Variants in FMO3 observed in about 807,000 individuals in gnomAD.
FMO3 encodes the protein flavin containing dimethylaniline monoxygenase 3.
FMO3 carries 40 observed loss-of-function variants against 39.4 expected under a neutral mutation model. The ratio of observed to expected loss-of-function variants is 1.02; its 90% CI spans 0.79 to 1.32. The LOEUF (loss-of-function observed/expected upper bound fraction) is 1.32, where lower values mean the gene tolerates loss of function less well. Ranked by LOEUF, FMO3 falls within the 40% of genes most tolerant of loss-of-function variation. The pLI is 0.00. For synonymous variants in FMO3, 219 were observed against 228.8 expected, an observed-to-expected ratio of 0.96 and a Z score of 0.39; for missense variants, 680 against 651.8, an observed-to-expected ratio of 1.04 and a Z score of -0.47.
In FMO3 at chr1:171,103,785, G is replaced by C; in HGVS notation, c.133G>C (p.Asp45His). The C allele has an allele frequency of 1.2e-6, 2 of 1,611,854 alleles. No homozygotes were observed. Among genetic ancestry groups the C allele is most frequent in the Non-Finnish European group, 1.7e-6 (2 of 1,178,156 alleles). ...NDIGGLWKFS[D>H]HAEEGRASIY... ...TCCATTTGATACTATACATTCACAG[G>C]ACCATGCAGAGGAGGGCAGGGCTAG... Residue 45 changes from aspartate (D) to histidine (H), a missense_variant and splice_region_variant, in exon 3 of 9, where the codon GAC becomes CAC. Physicochemically the swap from Asp to His is moderately conservative, Grantham distance 81 (BLOSUM62 -1). Coordinates refer to ENST00000367755, the MANE Select transcript of FMO3 (RefSeq NM_001002294.3).
At chr1:171,096,944 C>G (rs1655123100) in intron 2 of FMO3, among the ~76,000 whole-genome samples, 1 of 151,400 alleles carries the variant, frequency 6.6e-6, no homozygotes, top group Non-Finnish European at 1.5e-5. Context: ...TCCCCACTCC[C>G]CCCGCCCCAC....
chr1:171,096,446 ATATT>A (rs1655062294), intron 2 of FMO3, among the ~76,000 whole-genome samples: 1 of 105,456 alleles, frequency 9.5e-6, no homozygotes, highest in South Asian at 3.2e-4. Context: ...CATATTTTAT[ATATT>A]AAATATATAT....
At chr1:171,094,534 G>C (rs1199519793) in intron 2 of FMO3, among the ~76,000 whole-genome samples, 1 of 152,084 alleles carries the variant, frequency 6.6e-6, no homozygotes, top group African/African-American at 2.4e-5. Flanking sequence ...CTAGGTAAAA[G>C]AGTTTTACCT....
At chr1:171,095,517 C>T (rs1654913674) in intron 2 of FMO3, among the ~76,000 whole-genome samples, 1 of 151,362 alleles carries the variant, frequency 6.6e-6, no homozygotes. Flanking sequence ...AGATTAATGA[C>T]CCTTTTAAGC....
chr1:171,109,162 C>T (rs1655784375), intron 5 of FMO3, among the ~76,000 whole-genome samples: 1 of 152,042 alleles, frequency 6.6e-6, no homozygotes, highest in Non-Finnish European at 1.5e-5. Context: ...AAATGAGGAC[C>T]AGAAATGTCA....
rs1655708093 is a variant in FMO3, at chr1:171,107,727, G to A, written c.374G>A (p.Trp125Ter). ...CCTGATTTTGCAACTACTGGCCAGT[G>A]GGATGTTACCACTGAAAGGGATGGT... ...KHPDFATTGQ[W>*]DVTTERDGKK... Residue 125 changes from tryptophan to a stop codon, truncating the protein, a stop_gained, in exon 4 of 9, where the codon TGG becomes TAG. Coordinates refer to ENST00000367755, the MANE Select transcript of FMO3 (RefSeq NM_001002294.3). LOFTEE classifies it high-confidence loss of function. The A allele has an allele frequency of 1.9e-6, 3 of 1,613,208 alleles. No homozygotes were observed. The highest frequency in any genetic ancestry group is 2.5e-6 in the Non-Finnish European group (3 of 1,179,412).
chr1:171,116,175 T>C (rs753549144), intron 7 of FMO3, 33 bp from the exon 8 acceptor site: 13 of 1,313,262 alleles, frequency 9.9e-6, no homozygotes, highest in Non-Finnish European at 1.4e-5. Flanking sequence ...GCCAGACTCA[T>C]TAATTACCAT....
intron 5 of FMO3, among the ~76,000 whole-genome samples, chr1:171,110,405 A>G (rs375908614): frequency 5.3e-4 from 81 of 152,306 alleles, no homozygotes; most frequent in African/African-American, 1.9e-3. Context: ...AGGGTGGCTG[A>G]CCCTAAGATG....
At chr1:171,109,875 A>G (rs1393740383) in intron 5 of FMO3, among the ~76,000 whole-genome samples, 1 of 152,080 alleles carries the variant, frequency 6.6e-6, no homozygotes, top group Admixed American at 6.6e-5. Context: ...TTCCTCTTAT[A>G]ACAAATGCCT....
At chr1:171,101,189 C>T (rs906610738) in intron 2 of FMO3, 4 of 456,098 alleles carry the variant, frequency 8.8e-6, no homozygotes, top group Non-Finnish European at 1.8e-5. Context: ...TCTCCTGGAG[C>T]CTCTGAAAAT....
chr1:171,114,241 AG>A lies in FMO3; in HGVS notation c.1064del (p.Gly355GlufsTer12). ...SRNNEIILFK[G>X]VFPPLLEKST... ...GAAACAATGAGATCATTTTATTTAAAGGAGTATTTCCTCCTCTACTTGAGAA... is the reference window on the plus strand; with the variant it reads ...GAAACAATGAGATCATTTTATTTAAAGAGTATTTCCTCCTCTACTTGAGAA... On this transcript the variant is annotated frameshift_variant, in exon 7 of 9. Coordinates refer to ENST00000367755, the MANE Select transcript of FMO3 (RefSeq NM_001002294.3). LOFTEE classifies it high-confidence loss of function. 1 of 1,613,970 alleles carries A rather than the reference AG, an allele frequency of 6.2e-7. No homozygotes were observed. The highest frequency in any genetic ancestry group is 1.1e-5 in the South Asian group (1 of 91,082).
At position 171,096,072 on chromosome 1, in the gene FMO3, T is replaced by TAATATATATTATATATA. The variant is rs1655007741; in HGVS notation, c.132+3290_132+3291insTTATATATAAATATATA. On this transcript the variant is annotated intron_variant, in intron 2 of 8. Transcript: ENST00000367755. ...TAAATATATAATATATATTATATAT[T>TAATATATATTATATATA]AATATATAATATATATTAATATTTT... 1.7e-3 allele frequency among the ~76,000 whole-genome samples: 87 copies of TAATATATATTATATATA among 50,648 alleles called. 3 individuals are homozygous for TAATATATATTATATATA. The highest frequency in any genetic ancestry group is 2.0e-3 in the Non-Finnish European group (63 of 31,686). 33.2% of individuals were successfully genotyped at this position (50,648 alleles called of 152,430 possible).
Position 171,108,074 on chromosome 1 carries a change from C to A in FMO3, c.485-5C>A. The A allele has an allele frequency of 2.5e-6, 4 of 1,613,728 alleles. No individual in the cohort carries two copies. The highest frequency in any genetic ancestry group is 3.4e-6 in the Non-Finnish European group (4 of 1,179,736). On this transcript the variant is annotated splice_region_variant and splice_polypyrimidine_tract_variant and intron_variant, in intron 4 of 8. Coordinates refer to ENST00000367755, the MANE Select transcript of FMO3 (RefSeq NM_001002294.3). ...ACTGCCATGTATTTCTCACTTTTCA[C>A]TCAGGACTAAACCACTTTAAAGGCA...
rs2101926234 is a variant in FMO3 at position 171,117,819 on chromosome 1, A to G, written c.*377A>G. 1 of 172,842 alleles carries G rather than the reference A, an allele frequency of 5.8e-6. No individual in the cohort carries two copies. The highest frequency in any genetic ancestry group is 1.4e-4 in the South Asian group (1 of 6,912). The allele number at this position is 172,842 out of a possible 1,614,324, so 10.7% of individuals were successfully genotyped here. On this transcript the variant is annotated 3_prime_UTR_variant, in exon 9 of 9. Transcript: ENST00000367755. ...GAGCAAATTAAGCAGAATAATTATA[A>G]TATGATACTCTCAGGCTACTTCTAT...
intron 2 of FMO3, among the ~76,000 whole-genome samples, chr1:171,101,537 A>G (rs889419873): frequency 2.0e-5 from 3 of 152,114 alleles, no homozygotes; most frequent in African/African-American, 7.2e-5. Flanking sequence ...ATCATTTTAC[A>G]TTATCTTAAC....
At chr1:171,105,802 A>G (rs1655610719) in intron 3 of FMO3, among the ~76,000 whole-genome samples, 1 of 152,118 alleles carries the variant, frequency 6.6e-6, no homozygotes, top group Non-Finnish European at 1.5e-5. Context: ...CTGAAGTTTA[A>G]CACCTATTTA....
In FMO3 at chr1:171,108,145, G is replaced by A; in HGVS notation, c.551G>A (p.Gly184Glu). ...TATAAAGAACCAGGTGTATTCAATGGAAAGCGTGTCCTGGTGGTTGGCCTG... is the reference window on the plus strand; with the variant it reads ...TATAAAGAACCAGGTGTATTCAATGAAAAGCGTGTCCTGGTGGTTGGCCTG... ...RDYKEPGVFN[G>E]KRVLVVGLGN... The change falls in exon 5 of 9, where the codon GGA becomes GAA. Residue 184 changes from glycine to glutamate, a missense_variant. Coordinates refer to ENST00000367755, the MANE Select transcript of FMO3 (RefSeq NM_001002294.3). 2 of 1,613,922 alleles carry A rather than the reference G, an allele frequency of 1.2e-6. No individual in the cohort carries two copies. Among genetic ancestry groups the A allele is most frequent in the Non-Finnish European group, 1.7e-6 (2 of 1,179,900 alleles).
chr1:171,101,516 T>C (rs1051356378), intron 2 of FMO3, among the ~76,000 whole-genome samples: 2 of 152,216 alleles, frequency 1.3e-5, no homozygotes, highest in African/African-American at 4.8e-5. Flanking sequence ...TTCCCTTTGG[T>C]TTCTAACATC....
intron 2 of FMO3, among the ~76,000 whole-genome samples, chr1:171,096,071 T>TAAATA (rs1491505210): frequency 1.9e-5 from 1 of 53,670 alleles, no homozygotes; most frequent in East Asian, 4.0e-4. Context: ...ATATTATATA[T>TAAATA]TAATATATAA....
Sources: gnomAD v4.1 joint callset for allele counts (sites outside exome capture counted in the v4.1 genomes callset) on GRCh38, gnomAD v4.1.1 for gene constraint, MANE v1.5 for transcripts, NCBI Gene and HGNC (gene_info 2026-07-23, HGNC 2026-07-21) for gene names.